The following SYNE2 variants were observed in gnomAD, a reference collection of about 807,000 sequenced individuals.
The protein encoded by SYNE2 is nesprin-2.
SYNE2 carries 431 observed loss-of-function variants against 856.3 expected under a neutral mutation model. The ratio of observed to expected loss-of-function variants is 0.50; its 90% CI spans 0.47 to 0.55. SYNE2 has a LOEUF of 0.55. Ranked by LOEUF, SYNE2 falls within the 20% of genes least tolerant of loss-of-function variation. SYNE2 has a pLI of 0.00. For synonymous variants in SYNE2, 2,923 were observed against 2,872.3 expected, an observed-to-expected ratio of 1.02 and a Z score of -0.56; for missense variants, 8,129 against 8,023.2, an observed-to-expected ratio of 1.01 and a Z score of -0.50.
At chr14:63,994,631 A>T (rs2096698255) in intron 22 of SYNE2, among the ~76,000 whole-genome samples, 1 of 152,202 alleles carries the variant, frequency 6.6e-6, no homozygotes, top group Non-Finnish European at 1.5e-5. Flanking sequence ...TGACAGAGTG[A>T]TACATTAGTA....
At chr14:63,902,621 G>A (rs936004149) in intron 1 of SYNE2, among the ~76,000 whole-genome samples, 1 of 151,882 alleles carries the variant, frequency 6.6e-6, no homozygotes, top group Non-Finnish European at 1.5e-5. Context: ...GGTTGCTAGA[G>A]ACCCGGGAGA....
intron 6 of SYNE2, among the ~76,000 whole-genome samples, chr14:63,946,812 T>A (rs1458965356): frequency 6.6e-6 from 1 of 151,882 alleles, no homozygotes; most frequent in Admixed American, 6.6e-5. Context: ...TTAATATAGT[T>A]TGAATTTATC....
chr14:64,195,622 C>G (rs189876197), intron 99 of SYNE2, among the ~76,000 whole-genome samples: 1 of 152,184 alleles, frequency 6.6e-6, no homozygotes, highest in Non-Finnish European at 1.5e-5. Flanking sequence ...AAAATGTTAC[C>G]GTTAAACTCA....
intron 115 of SYNE2, 59 bp from the exon 116 acceptor site, chr14:64,225,260 A>G: frequency 6.2e-7 from 1 of 1,613,336 alleles, no homozygotes; most frequent in Non-Finnish European, 8.5e-7. Context: ...GGCTTAGGTA[A>G]TAGAGTGGGT....
At chr14:64,101,359 A>G (rs1754845358) in intron 63 of SYNE2, among the ~76,000 whole-genome samples, 1 of 152,012 alleles carries the variant, frequency 6.6e-6, no homozygotes. Context: ...TTTAATTTGC[A>G]TTTCCCTGGT....
Position 64,174,952 on chromosome 14 carries a change from A to G in SYNE2, c.17244A>G (p.Glu5748=). 1 of 1,614,104 alleles carries G rather than the reference A, an allele frequency of 6.2e-7. No homozygotes were observed. Among genetic ancestry groups the G allele is most frequent in the South Asian group, 1.1e-5 (1 of 91,078 alleles). The part of the protein sequence containing the change: ...RSLIHELKNK[E]IHFQRRRTTC... The stretch of plus-strand genomic sequence containing the variant: ...TCTCTTTTTTTTCTTAGAATAAAGA[A>G]ATTCATTTTCAAAGGAGGCGAACTA... Residue 5748 remains glutamate, a synonymous_variant, in exon 95 of 116, where the codon GAA becomes GAG. Transcript: ENST00000555002.
At chr14:64,064,542 ATTTTTTTTTTTT>A (rs369447974) in intron 50 of SYNE2, among the ~76,000 whole-genome samples, 1 of 103,610 alleles carries the variant, frequency 9.7e-6, no homozygotes, top group Non-Finnish European at 1.8e-5. Flanking sequence ...GTACTTTTAG[ATTTTTTTTTTTT>A]TTTTTTTTTT....
chr14:64,053,327 A>G lies in SYNE2; in HGVS notation c.9414A>G (p.Gln3138=), dbSNP rs771981806. ...EENDKLYKVL[Q]NMVLELSPKE... ...ATGATAAGTTATACAAAGTTCTCCA[A>G]AACATGGTATTAGAACTCTCACCAA... The change falls in exon 48 of 116, where the codon CAA becomes CAG. Residue 3138 remains glutamine, a synonymous_variant. Transcript: ENST00000555002. 47 of 1,611,208 alleles carry G rather than the reference A, an allele frequency of 2.9e-5. No homozygotes were observed. Among genetic ancestry groups the G allele is most frequent in the Non-Finnish European group, 3.6e-5 (43 of 1,179,442 alleles).
chr14:63,895,342 C>G (rs2095229620), intron 1 of SYNE2, among the ~76,000 whole-genome samples: 1 of 151,672 alleles, frequency 6.6e-6, no homozygotes, highest in Non-Finnish European at 1.5e-5. Flanking sequence ...AACTCCTGAC[C>G]TTGTGATCTG....
intron 64 of SYNE2, among the ~76,000 whole-genome samples, chr14:64,105,800 C>T (rs1342621615): frequency 6.6e-6 from 1 of 152,066 alleles, no homozygotes; most frequent in Non-Finnish European, 1.5e-5. Flanking sequence ...TGTCTCATGC[C>T]TGTAATCCTA....
At chr14:64,040,601 T>A (rs965034206) in intron 45 of SYNE2, among the ~76,000 whole-genome samples, 2 of 146,782 alleles carry the variant, frequency 1.4e-5, no homozygotes, top group African/African-American at 4.9e-5. Context: ...GTTAAAAATA[T>A]ATATATATAT....
Position 64,220,609 on chromosome 14 carries a change from G to C in SYNE2, c.20033G>C (p.Gly6678Ala), listed in dbSNP as rs140676416. The change falls in exon 111 of 116, where the codon GGC becomes GCC. Residue 6678 changes from glycine to alanine, a missense_variant. Transcript: ENST00000555002. Reference sequence around the variant, plus strand: ...GGCGCAGTGGACAGCTGGAGAGGGGGCTTACGACAGTCGCTCATGCAGTGC... The same window carrying C: ...GGCGCAGTGGACAGCTGGAGAGGGGCCTTACGACAGTCGCTCATGCAGTGC... ...AQGAVDSWRGGLRQSLMQCQD... is the reference protein window; with the variant it reads ...AQGAVDSWRGALRQSLMQCQD... The C allele has an allele frequency of 7.6e-5, 123 of 1,614,048 alleles. No individual in the cohort carries two copies. In the African/African-American group the frequency reaches 1.6e-3, roughly 20 times the overall value.
intron 2 of SYNE2, among the ~76,000 whole-genome samples, chr14:63,932,218 C>T (rs1235820932): frequency 1.3e-5 from 2 of 151,522 alleles, no homozygotes; most frequent in Non-Finnish European, 2.9e-5. Context: ...CCCGTCTCTA[C>T]TAAAAATACA....
At chr14:63,912,100 G>A (rs2095480247) in intron 2 of SYNE2, among the ~76,000 whole-genome samples, 3 of 152,136 alleles carry the variant, frequency 2.0e-5, no homozygotes, top group South Asian at 4.1e-4. Context: ...GTTCACATTA[G>A]CCAGGTACCC....
At chr14:63,844,088 G>T (rs1438940093) in intron 1 of SYNE2, among the ~76,000 whole-genome samples, 3 of 152,098 alleles carry the variant, frequency 2.0e-5, no homozygotes, top group African/African-American at 4.8e-5. Flanking sequence ...ATACTCTTTG[G>T]ATTTTGACAA....
intron 51 of SYNE2, among the ~76,000 whole-genome samples, chr14:64,068,453 T>A (rs1009464400): frequency 1.3e-5 from 2 of 152,274 alleles, no homozygotes; most frequent in East Asian, 1.9e-4. Context: ...CTGCTTGTAT[T>A]AGTAGTTCAT....
intron 1 of SYNE2, among the ~76,000 whole-genome samples, chr14:63,789,810 T>A (rs1489368685): frequency 6.6e-6 from 1 of 150,982 alleles, no homozygotes; most frequent in Non-Finnish European, 1.5e-5. Flanking sequence ...GAACCTAAAC[T>A]AAGGAGACCT....
At chr14:63,997,272 T>C in intron 24 of SYNE2, 29 bp from the exon 25 acceptor site, 1 of 1,603,916 alleles carries the variant, frequency 6.2e-7, no homozygotes, top group Non-Finnish European at 8.5e-7. Flanking sequence ...TTACCCTCTT[T>C]TAAACATGCA....
intron 95 of SYNE2, 101 bp from the exon 96 acceptor site, chr14:64,177,257 A>G: frequency 6.8e-7 from 1 of 1,478,334 alleles, no homozygotes; most frequent in Non-Finnish European, 9.4e-7. Flanking sequence ...ATTAAAAACA[A>G]ACTTAATAGA....
Sources: gnomAD v4.1 joint callset for allele counts (sites outside exome capture counted in the v4.1 genomes callset) on GRCh38, gnomAD v4.1.1 for gene constraint, MANE v1.5 for transcripts, NCBI Gene and HGNC (gene_info 2026-07-23, HGNC 2026-07-21) for gene names.